The following ASTN2 variants were observed in gnomAD, a reference collection of about 807,000 sequenced individuals.
The protein encoded by ASTN2 is astrotactin-2.
In ASTN2, 54 loss-of-function variants were observed where a neutral mutation model predicts 139.8. That is an observed-to-expected ratio of 0.39 (90% confidence interval 0.31 to 0.48). The LOEUF (loss-of-function observed/expected upper bound fraction) is 0.48, where lower values mean the gene tolerates loss of function less well. Ranked by LOEUF, ASTN2 falls within the 20% of genes least tolerant of loss-of-function variation. ASTN2 has a pLI of 0.95. For synonymous variants in ASTN2, 756 were observed against 719.5 expected (o/e 1.05, Z -0.81); for missense variants, 1,565 against 1,725.1 (o/e 0.91, Z 1.64).
intron 17 of ASTN2, among the ~76,000 whole-genome samples, chr9:116,627,134 C>G (rs1333751739): frequency 1.3e-5 from 2 of 152,160 alleles, no homozygotes; most frequent in Non-Finnish European, 2.9e-5. Flanking sequence ...TGTGTAAAAA[C>G]ACATAAAGGG....
At chr9:117,057,946 C>T (rs758764114) in intron 5 of ASTN2, among the ~76,000 whole-genome samples, 11 of 152,270 alleles carry the variant, frequency 7.2e-5, no homozygotes, top group African/African-American at 2.4e-4. Flanking sequence ...GAGGCACTCC[C>T]TCCCACCTCT....
intron 5 of ASTN2, among the ~76,000 whole-genome samples, chr9:117,056,160 G>T (rs905645162): frequency 1.3e-5 from 2 of 152,204 alleles, no homozygotes; most frequent in Non-Finnish European, 2.9e-5. Flanking sequence ...CTCCTTCGAA[G>T]CCCTGAGCTG....
chr9:117,176,235 C>A (rs547727660), intron 3 of ASTN2, among the ~76,000 whole-genome samples: 1 of 152,050 alleles, frequency 6.6e-6, no homozygotes, highest in African/African-American at 2.4e-5. Flanking sequence ...AGATTTTATT[C>A]ATTGCTGGTG....
chr9:117,167,490 G>C (rs760204442), intron 3 of ASTN2, among the ~76,000 whole-genome samples: 1 of 152,066 alleles, frequency 6.6e-6, no homozygotes, highest in East Asian at 1.9e-4. Flanking sequence ...CTAAGGAAAT[G>C]AGCAAAATCA....
In ASTN2 at chr9:117,204,643, A is replaced by G. The variant is rs537765572; in HGVS notation, c.1015+9715T>C. Reference sequence around the variant, plus strand: ...TCATTTGGGTTGGGTTGAGGAAGATAACTGATGTAGAAACTGATTAGGGGC... The same window carrying G: ...TCATTTGGGTTGGGTTGAGGAAGATGACTGATGTAGAAACTGATTAGGGGC... On this transcript the variant is annotated intron_variant, in intron 3 of 22. Transcript: ENST00000313400. 2.2e-3 allele frequency among the ~76,000 whole-genome samples: 328 copies of G among 152,332 alleles called. 1 individual carries two copies. The highest frequency in any genetic ancestry group is 6.8e-3 in the Middle Eastern group (2 of 294).
intron 19 of ASTN2, among the ~76,000 whole-genome samples, chr9:116,617,520 T>C (rs1855915167): frequency 6.6e-6 from 1 of 152,178 alleles, no homozygotes; most frequent in African/African-American, 2.4e-5. Flanking sequence ...AAATTATAAA[T>C]TTGAGGCGAT....
intron 4 of ASTN2, among the ~76,000 whole-genome samples, chr9:117,106,446 C>T (rs1564428252): frequency 6.6e-6 from 1 of 151,920 alleles, no homozygotes; most frequent in Admixed American, 6.6e-5. Context: ...ATATCCACCC[C>T]CCTCAGCCTC....
At chr9:116,742,968 A>G (rs899534855) in intron 13 of ASTN2, among the ~76,000 whole-genome samples, 1 of 152,160 alleles carries the variant, frequency 6.6e-6, no homozygotes, top group Admixed American at 6.5e-5. Context: ...ACCCAAGACC[A>G]TCCATACCTC....
At chr9:117,159,257 TC>T (rs1830495811) in intron 3 of ASTN2, among the ~76,000 whole-genome samples, 1 of 151,852 alleles carries the variant, frequency 6.6e-6, no homozygotes, top group African/African-American at 2.4e-5. Flanking sequence ...TTTTTTAAAA[TC>T]CCCCCTTCTT....
At chr9:117,176,195 T>C (rs138992316) in intron 3 of ASTN2, among the ~76,000 whole-genome samples, 319 of 152,284 alleles carry the variant, frequency 2.1e-3, no homozygotes, top group Middle Eastern at 0.01. Flanking sequence ...CAAAATATAA[T>C]AAGGGTTGTC....
At chr9:117,195,570 C>T (rs1046409040) in intron 3 of ASTN2, among the ~76,000 whole-genome samples, 2 of 151,904 alleles carry the variant, frequency 1.3e-5, no homozygotes, top group East Asian at 1.9e-4. Context: ...GAGGAATGGA[C>T]GGTCATAGGG....
At chr9:117,251,819 G>T (rs1833546417) in intron 2 of ASTN2, among the ~76,000 whole-genome samples, 1 of 152,118 alleles carries the variant, frequency 6.6e-6, no homozygotes, top group South Asian at 2.1e-4. Flanking sequence ...GTGTAAGATT[G>T]TCTACACTAG....
intron 16 of ASTN2, chr9:116,697,364 AT>A (rs1462316863): frequency 1.1e-5 from 3 of 280,950 alleles, no homozygotes; most frequent in African/African-American, 6.5e-5. Context: ...TATTACTTCT[AT>A]TTTACAGATG....
At chr9:116,687,352 G>T (rs982779637) in intron 16 of ASTN2, 4 of 814,424 alleles carry the variant, frequency 4.9e-6, no homozygotes, top group Non-Finnish European at 5.9e-6. Context: ...GGCTGCCGGC[G>T]GTGGACTCGT....
intron 20 of ASTN2, among the ~76,000 whole-genome samples, chr9:116,472,977 G>A (rs1848863837): frequency 6.7e-6 from 1 of 150,358 alleles, no homozygotes; most frequent in Non-Finnish European, 1.5e-5. Flanking sequence ...CTAATAAGAT[G>A]ACCTTGGGCA....
intron 3 of ASTN2, among the ~76,000 whole-genome samples, chr9:117,147,444 C>CAT (rs1362265360): frequency 1.3e-5 from 2 of 150,756 alleles, no homozygotes; most frequent in African/African-American, 4.9e-5. Context: ...TCAAAACACA[C>CAT]ACACACACAC....
At chr9:116,681,820 A>C (rs538050245) in intron 16 of ASTN2, among the ~76,000 whole-genome samples, 5 of 151,928 alleles carry the variant, frequency 3.3e-5, no homozygotes, top group African/African-American at 1.2e-4. Flanking sequence ...CTGGCTAGCC[A>C]TATGTAGAAA....
intron 17 of ASTN2, among the ~76,000 whole-genome samples, chr9:116,627,674 C>T (rs989246816): frequency 2.0e-5 from 3 of 152,116 alleles, no homozygotes; most frequent in African/African-American, 7.2e-5. Flanking sequence ...CAAGGTCACT[C>T]GCTAAAATGT....
chr9:116,713,602 C>G (rs937130194), intron 16 of ASTN2, among the ~76,000 whole-genome samples: 1 of 152,078 alleles, frequency 6.6e-6, no homozygotes, highest in Admixed American at 6.6e-5. Context: ...AGAAATGCCA[C>G]ACAAAGAGAA....
Sources: allele counts gnomAD v4.1 joint callset (sites outside exome capture counted in the v4.1 genomes callset), GRCh38; gene constraint gnomAD v4.1.1; transcripts MANE v1.5; gene names NCBI Gene and HGNC (gene_info 2026-07-23, HGNC 2026-07-21).